Variants in CTNNA2 observed in about 807,000 individuals in gnomAD.
CTNNA2 encodes catenin alpha 2.
CTNNA2 carries 42 observed loss-of-function variants against 101.0 expected under a neutral mutation model. The observed-to-expected ratio is 0.42, with a 90% CI of 0.32 to 0.54. The LOEUF (loss-of-function observed/expected upper bound fraction) is 0.54. Among genes scored for constraint, CTNNA2 ranks in the 20% least tolerant of loss-of-function variants. The pLI, the probability that CTNNA2 is intolerant of heterozygous loss-of-function variation, is 0.14. For missense variants in CTNNA2, 871 were observed against 1,223.1 expected, an observed-to-expected ratio of 0.71 and a Z score of 4.29; for synonymous variants, 450 against 456.4, an observed-to-expected ratio of 0.99 and a Z score of 0.18.
chr2:80,522,300 G>T (rs1689638363), intron 9 of CTNNA2, among the ~76,000 whole-genome samples: 1 of 152,214 alleles, frequency 6.6e-6, no homozygotes, highest in African/African-American at 2.4e-5. Context: ...GCAGTCTTCT[G>T]TAGCAAGAGG....
intron 1 of CTNNA2, among the ~76,000 whole-genome samples, chr2:79,542,296 G>T (rs551570989): frequency 6.6e-6 from 1 of 152,168 alleles, no homozygotes; most frequent in South Asian, 2.1e-4. Context: ...ATTACAAAAT[G>T]CACTATGTTA....
chr2:79,640,477 G>A (rs1241128228), intron 1 of CTNNA2, among the ~76,000 whole-genome samples: 1 of 152,112 alleles, frequency 6.6e-6, no homozygotes, highest in East Asian at 1.9e-4. Flanking sequence ...CTAGTATCCT[G>A]TTCTAATATG....
intron 6 of CTNNA2, among the ~76,000 whole-genome samples, chr2:79,881,654 G>A (rs1052756622): frequency 1.3e-5 from 2 of 151,428 alleles, no homozygotes; most frequent in Non-Finnish European, 2.9e-5. Flanking sequence ...CTTTCCATTT[G>A]CTTGGTAAGT....
chr2:80,131,802 C>T (rs1384627412), intron 7 of CTNNA2, among the ~76,000 whole-genome samples: 5 of 152,072 alleles, frequency 3.3e-5, no homozygotes, highest in South Asian at 2.1e-4. Flanking sequence ...AACTATCAGC[C>T]GGGCACGGTG....
chr2:79,473,213 A>G (rs955329457), intron 4 of CTNNA2, among the ~76,000 whole-genome samples: 1 of 152,164 alleles, frequency 6.6e-6, no homozygotes, highest in Non-Finnish European at 1.5e-5. Context: ...CTAAGCTTCT[A>G]GCATGCACCC....
At chr2:80,160,807 T>A (rs1704266527) in intron 7 of CTNNA2, among the ~76,000 whole-genome samples, 1 of 152,148 alleles carries the variant, frequency 6.6e-6, no homozygotes, top group Non-Finnish European at 1.5e-5. Context: ...CTATGTTGAA[T>A]AAAAGTGGTG....
At chr2:80,503,096 C>G (rs1395483157) in intron 9 of CTNNA2, among the ~76,000 whole-genome samples, 1 of 152,058 alleles carries the variant, frequency 6.6e-6, no homozygotes, top group African/African-American at 2.4e-5. Flanking sequence ...TTGCTTGAGT[C>G]TGGGAGGTGG....
chr2:80,631,845 C>T (rs1429093922), intron 18 of CTNNA2, among the ~76,000 whole-genome samples: 1 of 152,080 alleles, frequency 6.6e-6, no homozygotes, highest in East Asian at 1.9e-4. Flanking sequence ...AGTTTCCTAT[C>T]TGTAGAATGA....
At chr2:79,561,977 T>C (rs1674809244) in intron 1 of CTNNA2, among the ~76,000 whole-genome samples, 2 of 151,996 alleles carry the variant, frequency 1.3e-5, no homozygotes, top group South Asian at 4.1e-4. Context: ...GTCAAATGTA[T>C]TTGTTTTTAT....
chr2:80,031,617 G>A (rs1040244499), intron 7 of CTNNA2, among the ~76,000 whole-genome samples: 1 of 152,174 alleles, frequency 6.6e-6, no homozygotes, highest in Non-Finnish European at 1.5e-5. Context: ...TTTTGTTGGG[G>A]ACACGGCCAA....
intron 7 of CTNNA2, among the ~76,000 whole-genome samples, chr2:79,949,101 A>G (rs892809158): frequency 2.0e-5 from 3 of 152,242 alleles, no homozygotes; most frequent in Admixed American, 6.5e-5. Flanking sequence ...TGAACAAGAA[A>G]GATATTATAT....
At chr2:80,237,354 T>G (rs1381539438) in intron 7 of CTNNA2, among the ~76,000 whole-genome samples, 1 of 152,182 alleles carries the variant, frequency 6.6e-6, no homozygotes, top group Non-Finnish European at 1.5e-5. Flanking sequence ...ATATTTTGAC[T>G]TTAGGATGGG....
At position 79,665,512 on chromosome 2, in the gene CTNNA2, C is replaced by T. The variant is rs2104551127; in HGVS notation, c.102+13854C>T. Reference sequence around the variant, plus strand: ...CTTTGCTGACACATGAAAGTGCCCTCCTCTGAGAAATGGGACTGTCTCTTG... The same window carrying T: ...CTTTGCTGACACATGAAAGTGCCCTTCTCTGAGAAATGGGACTGTCTCTTG... On this transcript the variant is annotated intron_variant, in intron 2 of 18. Transcript: ENST00000402739. Among the ~76,000 whole-genome samples, 2 of 152,306 alleles carry T rather than the reference C, an allele frequency of 1.3e-5. 1 individual carries two copies. The highest frequency in any genetic ancestry group is 2.9e-5 in the Non-Finnish European group (2 of 68,032).
At chr2:80,473,035 C>T (rs377581249) in intron 9 of CTNNA2, among the ~76,000 whole-genome samples, 1 of 152,310 alleles carries the variant, frequency 6.6e-6, no homozygotes, top group South Asian at 2.1e-4. Flanking sequence ...TCAATATGTA[C>T]AACTTTTGCT....
chr2:79,688,488 G>T (rs1211693894), intron 2 of CTNNA2, among the ~76,000 whole-genome samples: 4 of 151,930 alleles, frequency 2.6e-5, no homozygotes, highest in African/African-American at 9.7e-5. Flanking sequence ...ATGTGTATAT[G>T]TAAATCACTA....
intron 7 of CTNNA2, among the ~76,000 whole-genome samples, chr2:80,095,891 T>C (rs1432206279): frequency 6.6e-6 from 1 of 152,200 alleles, no homozygotes; most frequent in Non-Finnish European, 1.5e-5. Context: ...GATTCTTCTC[T>C]CTTTTCTTCT....
intron 7 of CTNNA2, among the ~76,000 whole-genome samples, chr2:80,213,740 C>T (rs1328867857): frequency 6.6e-6 from 1 of 152,102 alleles, no homozygotes; most frequent in East Asian, 1.9e-4. Context: ...CTGCTTGGTG[C>T]AGAGCTGAGT....
intron 2 of CTNNA2, among the ~76,000 whole-genome samples, chr2:79,250,419 A>G (rs1466467561): frequency 6.6e-6 from 1 of 152,086 alleles, no homozygotes; most frequent in Non-Finnish European, 1.5e-5. Flanking sequence ...CTCTGTAATT[A>G]CTGGGTTTAC....
At chr2:80,360,432 C>CAAGATATAGATAT (rs1296642595) in intron 7 of CTNNA2, among the ~76,000 whole-genome samples, 110 of 152,104 alleles carry the variant, frequency 7.2e-4, no homozygotes, top group African/African-American at 2.6e-3. Context: ...CACATCCGAG[C>CAAGATATAGATAT]AGTATACTTT....
Sources: gnomAD v4.1 joint callset for allele counts (sites outside exome capture counted in the v4.1 genomes callset) on GRCh38, gnomAD v4.1.1 for gene constraint, MANE v1.5 for transcripts, NCBI Gene and HGNC (gene_info 2026-07-23, HGNC 2026-07-21) for gene names.